The following NRXN3 variants were observed in gnomAD, a reference collection of about 807,000 sequenced individuals.
NRXN3 encodes the protein neurexin III.
In NRXN3, 32 loss-of-function variants were observed where a neutral mutation model predicts 137.6. The observed-to-expected ratio is 0.23, with a 90% CI of 0.18 to 0.31. The LOEUF is 0.31. Among genes scored for constraint, NRXN3 ranks in the 10% least tolerant of loss-of-function variants. The pLI, the probability that NRXN3 is intolerant of heterozygous loss-of-function variation, is 1.00. For synonymous variants in NRXN3, 798 were observed against 784.5 expected (o/e 1.02, Z -0.29); for missense variants, 1,574 against 2,062.5 (o/e 0.76, Z 4.59).
rs146882766 is a variant in NRXN3, at chr14:78,727,103, TGTCA to T, written c.2044+11969_2044+11972del. 7.7e-3 allele frequency among the ~76,000 whole-genome samples: 1,169 copies of T among 152,274 alleles called. 22 individuals are homozygous for T. The highest frequency in any genetic ancestry group is 0.027 in the African/African-American group (1,127 of 41,566). On this transcript the variant is annotated intron_variant, in intron 8 of 20. Coordinates refer to ENST00000335750, the MANE Select transcript of NRXN3 (RefSeq NM_001330195.2). ...ACTATCAGGTTTTCCACTGAAATGT[TGTCA>T]GTCATTCTCAGGATAAACATCACTA...
chr14:78,656,675 A>G (rs2097786778), intron 6 of NRXN3, among the ~76,000 whole-genome samples: 1 of 152,052 alleles, frequency 6.6e-6, no homozygotes, highest in Non-Finnish European at 1.5e-5. Flanking sequence ...TTCTTTGAGG[A>G]GTAATGTTAA....
At chr14:78,611,908 A>G (rs551145392) in intron 4 of NRXN3, among the ~76,000 whole-genome samples, 63 of 152,290 alleles carry the variant, frequency 4.1e-4, no homozygotes, top group African/African-American at 1.4e-3. Flanking sequence ...TGTTGATAAG[A>G]TTGGTTTATT....
At chr14:78,654,651 C>T (rs1275065457) in intron 6 of NRXN3, among the ~76,000 whole-genome samples, 2 of 152,220 alleles carry the variant, frequency 1.3e-5, no homozygotes, top group Admixed American at 6.5e-5. Context: ...TCTCTACACA[C>T]CTTAGTTATC....
chr14:79,716,049 C>T (rs1227602432), intron 19 of NRXN3, among the ~76,000 whole-genome samples: 2 of 152,182 alleles, frequency 1.3e-5, no homozygotes, highest in Non-Finnish European at 2.9e-5. Context: ...CAAGAGTGAG[C>T]CTCCCATTAT....
intron 4 of NRXN3, among the ~76,000 whole-genome samples, chr14:78,510,738 T>C (rs1426946843): frequency 6.6e-6 from 1 of 152,196 alleles, no homozygotes; most frequent in African/African-American, 2.4e-5. Context: ...TGAAGACCTA[T>C]AAGGCTTGCT....
At position 79,648,923 on chromosome 14, in the gene NRXN3, T is replaced by G. The variant is rs111418165; in HGVS notation, c.3445-14855T>G. Among the ~76,000 whole-genome samples, 754 of 152,294 alleles carry G rather than the reference T, an allele frequency of 5.0e-3. 7 individuals are homozygous for G. Among genetic ancestry groups the G allele is most frequent in the African/African-American group, 0.018 (730 of 41,568 alleles). On this transcript the variant is annotated intron_variant, in intron 16 of 20. Transcript: ENST00000335750. ...TATGCTTGTAGCTAGTTTCCTAAGA[T>G]GTTTGCCTCTAGGTATTTGCCTGCA...
intron 10 of NRXN3, among the ~76,000 whole-genome samples, chr14:78,931,692 G>A (rs1202377377): frequency 6.6e-6 from 1 of 152,130 alleles, no homozygotes; most frequent in Non-Finnish European, 1.5e-5. Flanking sequence ...CTTTGCTACA[G>A]ACCATGCCAT....
intron 4 of NRXN3, among the ~76,000 whole-genome samples, chr14:78,522,233 T>C (rs1182154178): frequency 6.6e-6 from 1 of 152,216 alleles, no homozygotes; most frequent in Non-Finnish European, 1.5e-5. Context: ...ATCAACAGTC[T>C]TGTGAATTAG....
intron 20 of NRXN3, among the ~76,000 whole-genome samples, chr14:79,844,045 G>A (rs2099361895): frequency 6.6e-6 from 1 of 151,930 alleles, no homozygotes; most frequent in Non-Finnish European, 1.5e-5. Context: ...AAATGGCCTC[G>A]CACTCCATCC....
intron 15 of NRXN3, among the ~76,000 whole-genome samples, chr14:79,065,306 G>C (rs2099679405): frequency 6.6e-6 from 1 of 152,024 alleles, no homozygotes; most frequent in South Asian, 2.1e-4. Context: ...GTCAAGAAAG[G>C]AACCGGTCAG....
rs987303436 is a variant in NRXN3, at chr14:78,928,781, T to C, written c.2276-28461T>C. ...AAACATACGTGTGCATGTGTCTTTATAGTAGCATGATTTATAATCCTTTGG... is the reference window on the plus strand; with the variant it reads ...AAACATACGTGTGCATGTGTCTTTACAGTAGCATGATTTATAATCCTTTGG... On this transcript the variant is annotated intron_variant, in intron 10 of 20. Transcript: ENST00000335750. Among the ~76,000 whole-genome samples the C allele has an allele frequency of 2.0e-5, 3 of 152,156 alleles. 1 individual carries two copies. The highest frequency in any genetic ancestry group is 1.3e-4 in the Admixed American group (2 of 15,270).
chr14:79,630,711 C>A (rs566093369), intron 16 of NRXN3, among the ~76,000 whole-genome samples: 22 of 152,274 alleles, frequency 1.4e-4, no homozygotes, highest in Non-Finnish European at 3.1e-4. Flanking sequence ...TGATTCTCAT[C>A]TAAACCCCAG....
At chr14:78,712,033 G>C (rs1322386483) in intron 7 of NRXN3, among the ~76,000 whole-genome samples, 1 of 152,118 alleles carries the variant, frequency 6.6e-6, no homozygotes, top group Non-Finnish European at 1.5e-5. Flanking sequence ...CTCCTCACTT[G>C]GGCAAGTCAG....
At chr14:79,773,602 G>A (rs926209976) in intron 19 of NRXN3, among the ~76,000 whole-genome samples, 10 of 129,766 alleles carry the variant, frequency 7.7e-5, no homozygotes, top group Non-Finnish European at 1.4e-4. Flanking sequence ...CACAGGAAGG[G>A]GAACATCACA....
chr14:78,280,500 G>A (rs796915526), intron 3 of NRXN3, among the ~76,000 whole-genome samples: 2 of 152,214 alleles, frequency 1.3e-5, no homozygotes, highest in African/African-American at 4.8e-5. Context: ...CCAACACCTC[G>A]TTTTGTTTGT....
In NRXN3 at chr14:78,967,262, C is replaced by T; in HGVS notation, c.2832C>T (p.Asn944=). 6.2e-7 allele frequency: 1 copy of T among 1,612,872 alleles called. No homozygotes were observed. The highest frequency in any genetic ancestry group is 8.5e-7 in the Non-Finnish European group (1 of 1,179,784). ...LGNGPNVIKG[N]SDRPLNDNQW... ...ACGGTCCCAATGTGATCAAAGGCAACAGTGACCGCCCCCTGAATGACAACC... is the reference window on the plus strand; with the variant it reads ...ACGGTCCCAATGTGATCAAAGGCAATAGTGACCGCCCCCTGAATGACAACC... Residue 944 remains asparagine (N), a synonymous_variant, in exon 13 of 21, where the codon AAC becomes AAT. Transcript: ENST00000335750.
chr14:79,072,151 T>C (rs2099688693), intron 15 of NRXN3: 3 of 152,194 alleles, frequency 2.0e-5, no homozygotes, highest in Admixed American at 2.0e-4. Context: ...TTTCTGATTA[T>C]TTTTAAACAG....
chr14:78,249,538 C>T (rs1345226716), intron 2 of NRXN3, among the ~76,000 whole-genome samples: 1 of 152,038 alleles, frequency 6.6e-6, no homozygotes, highest in African/African-American at 2.4e-5. Flanking sequence ...ACCATGACCC[C>T]CTTTACTTGC....
intron 15 of NRXN3, among the ~76,000 whole-genome samples, chr14:79,133,661 C>T (rs1024150241): frequency 6.6e-6 from 1 of 152,106 alleles, no homozygotes; most frequent in Non-Finnish European, 1.5e-5. Context: ...CACGGTGGCT[C>T]ATGCCTGTAA....
Sources: allele counts gnomAD v4.1 joint callset (sites outside exome capture counted in the v4.1 genomes callset), GRCh38; gene constraint gnomAD v4.1.1; transcripts MANE v1.5; gene names NCBI Gene and HGNC (gene_info 2026-07-23, HGNC 2026-07-21).